The following CADM1 variants were observed in gnomAD, a reference collection of about 807,000 sequenced individuals.
The protein encoded by CADM1 is cell adhesion molecule 1.
In CADM1, 15 loss-of-function variants were observed where a neutral mutation model predicts 53.1. That is an observed-to-expected ratio of 0.28 (90% CI 0.19 to 0.44). CADM1 has a LOEUF of 0.44. CADM1 is among the 20% of genes least tolerant of loss of function. CADM1 has a pLI of 1.00. For synonymous variants in CADM1, 281 were observed against 243.0 expected, an observed-to-expected ratio of 1.16 and a Z score of -1.45; for missense variants, 434 against 611.3, an observed-to-expected ratio of 0.71 and a Z score of 3.06.
chr11:115,481,043 T>C (rs907572479), intron 1 of CADM1, among the ~76,000 whole-genome samples: 3 of 152,230 alleles, frequency 2.0e-5, no homozygotes. Flanking sequence ...TATATAAACC[T>C]TCTCACACCT....
In CADM1 at chr11:115,231,391, G is replaced by A. The variant is rs751706262; in HGVS notation, c.524C>T (p.Thr175Met). The change falls in exon 4 of 12, where the codon ACG becomes ATG. Residue 175 changes from threonine (T) to methionine (M), a missense_variant. Physicochemically the swap from Thr to Met is moderately conservative, Grantham distance 81 (BLOSUM62 -1). Coordinates refer to ENST00000331581, the MANE Select transcript of CADM1 (RefSeq NM_001301043.2). ...NCTAMASKPA[T>M]TIRWFKGNTE... ...GTTCCCTTTGAACCACCTGATAGTCGTGGCTGGCTTGCTGGCCATAGCAGT... is the reference window on the plus strand; with the variant it reads ...GTTCCCTTTGAACCACCTGATAGTCATGGCTGGCTTGCTGGCCATAGCAGT... 6.8e-6 allele frequency: 11 copies of A among 1,614,086 alleles called. No individual in the cohort carries two copies. The highest frequency in any genetic ancestry group is 8.5e-6 in the Non-Finnish European group (10 of 1,179,984).
At chr11:115,260,980 C>G (rs966890683) in intron 1 of CADM1, among the ~76,000 whole-genome samples, 1 of 152,086 alleles carries the variant, frequency 6.6e-6, no homozygotes, top group African/African-American at 2.4e-5. Flanking sequence ...ATCCTACCTC[C>G]AGGTGCTCTT....
At position 115,432,374 on chromosome 11, in the gene CADM1, CTAAA is replaced by C. The variant is rs990332069; in HGVS notation, c.124+71893_124+71896del. ...CCCAATGCCCAGCATCTAGCACATA[CTAAA>C]TAAACAAAAATCTCTTGAATTAATG... On this transcript the variant is annotated intron_variant, in intron 1 of 11. Transcript: ENST00000331581. Among the ~76,000 whole-genome samples, 57 of 152,120 alleles carry C rather than the reference CTAAA, an allele frequency of 3.7e-4. 1 individual carries two copies. The highest frequency in any genetic ancestry group is 1.3e-4 in the Admixed American group (2 of 15,268).
intron 1 of CADM1, among the ~76,000 whole-genome samples, chr11:115,314,979 A>G (rs995538026): frequency 6.6e-6 from 1 of 152,206 alleles, no homozygotes; most frequent in Non-Finnish European, 1.5e-5. Context: ...CAACCAAGCA[A>G]CTGGGATGTA....
intron 1 of CADM1, among the ~76,000 whole-genome samples, chr11:115,370,220 G>C (rs760986286): frequency 6.6e-6 from 1 of 152,074 alleles, no homozygotes; most frequent in Non-Finnish European, 1.5e-5. Flanking sequence ...ATGCCTAGAG[G>C]GGTAAGAAAG....
intron 1 of CADM1, among the ~76,000 whole-genome samples, chr11:115,261,108 T>C (rs1047511406): frequency 1.3e-5 from 2 of 152,198 alleles, no homozygotes; most frequent in Non-Finnish European, 2.9e-5. Context: ...GAGCCTACCA[T>C]GAGGTAGGCT....
intron 8 of CADM1, among the ~76,000 whole-genome samples, chr11:115,206,604 T>C (rs1341478803): frequency 6.6e-6 from 1 of 152,152 alleles, no homozygotes; most frequent in African/African-American, 2.4e-5. Context: ...AACACTTCCT[T>C]TCAGAGAAAT....
chr11:115,188,251 A>T (rs1156459045), intron 10 of CADM1, among the ~76,000 whole-genome samples: 2 of 152,258 alleles, frequency 1.3e-5, no homozygotes, highest in Admixed American at 6.5e-5. Flanking sequence ...GAGCAGATGT[A>T]ATTGACAAAA....
intron 1 of CADM1, among the ~76,000 whole-genome samples, chr11:115,284,100 C>CTCTCTCTCTCTCTCTCTCTCTT (rs1943660637): frequency 7.5e-6 from 1 of 133,210 alleles, no homozygotes; most frequent in Non-Finnish European, 1.6e-5. Flanking sequence ...CTCTCTCTCT[C>CTCTCTCTCTCTCTCTCTCTCTT]TCTCTCTCTC....
At chr11:115,292,611 G>A (rs1444617396) in intron 1 of CADM1, among the ~76,000 whole-genome samples, 2 of 152,216 alleles carry the variant, frequency 1.3e-5, no homozygotes, top group African/African-American at 4.8e-5. Flanking sequence ...ATCTACACTT[G>A]TATGGCATGT....
At chr11:115,358,760 C>T (rs1945946657) in intron 1 of CADM1, among the ~76,000 whole-genome samples, 3 of 152,098 alleles carry the variant, frequency 2.0e-5, no homozygotes, top group Non-Finnish European at 4.4e-5. Context: ...AGACCTGTAC[C>T]TTTTCCTTCA....
intron 1 of CADM1, among the ~76,000 whole-genome samples, chr11:115,360,774 G>C (rs559506179): frequency 1.3e-5 from 2 of 152,270 alleles, no homozygotes; most frequent in African/African-American, 2.4e-5. Flanking sequence ...TCACAGGAGT[G>C]CCAACTGTGA....
intron 1 of CADM1, among the ~76,000 whole-genome samples, chr11:115,501,356 C>A (rs1235749635): frequency 1.3e-5 from 2 of 152,176 alleles, no homozygotes; most frequent in Non-Finnish European, 2.9e-5. Flanking sequence ...CAAGCCCCAA[C>A]AGGCCAAAGC....
intron 1 of CADM1, among the ~76,000 whole-genome samples, chr11:115,306,852 A>G (rs893974121): frequency 1.3e-5 from 2 of 151,986 alleles, no homozygotes; most frequent in African/African-American, 4.8e-5. Context: ...CAACAGTTTT[A>G]ATTTGGTTAA....
chr11:115,494,754 A>G (rs1461207561), intron 1 of CADM1, among the ~76,000 whole-genome samples: 2 of 152,186 alleles, frequency 1.3e-5, no homozygotes, highest in Admixed American at 1.3e-4. Context: ...GTTTTAATAA[A>G]AGTGATTGAT....
intron 1 of CADM1, among the ~76,000 whole-genome samples, chr11:115,340,654 A>ATTTTTT (rs1370287141): frequency 9.5e-5 from 5 of 52,632 alleles, no homozygotes; most frequent in African/African-American, 2.6e-4. Context: ...ATATATATAT[A>ATTTTTT]TATATTTTTT....
intron 1 of CADM1, among the ~76,000 whole-genome samples, chr11:115,270,321 CT>C (rs1943261985): frequency 1.3e-5 from 2 of 152,206 alleles, no homozygotes; most frequent in Non-Finnish European, 2.9e-5. Context: ...CTGAGAGCTA[CT>C]TTACCATATT....
At chr11:115,290,135 T>C (rs947398023) in intron 1 of CADM1, among the ~76,000 whole-genome samples, 21 of 152,032 alleles carry the variant, frequency 1.4e-4, no homozygotes, top group Admixed American at 2.0e-4. Flanking sequence ...TGTAAACAGA[T>C]GGAGGGAAGG....
intron 1 of CADM1, among the ~76,000 whole-genome samples, chr11:115,380,196 A>C (rs925828221): frequency 2.1e-5 from 3 of 140,756 alleles, no homozygotes; most frequent in African/African-American, 8.1e-5. Flanking sequence ...ATATAAGTCA[A>C]ACAGGAAACC....
Sources: gnomAD v4.1 joint callset for allele counts (sites outside exome capture counted in the v4.1 genomes callset) on GRCh38, gnomAD v4.1.1 for gene constraint, MANE v1.5 for transcripts, NCBI Gene and HGNC (gene_info 2026-07-23, HGNC 2026-07-21) for gene names.